The following ABCA1 variants were observed in gnomAD, a reference collection of about 807,000 sequenced individuals.
ABCA1 encodes phospholipid-transporting ATPase ABCA1.
Under a neutral mutation model 262.5 loss-of-function variants are expected in ABCA1, and 133 were observed. The ratio of observed to expected loss-of-function variants is 0.51; its 90% CI spans 0.44 to 0.59. The LOEUF (loss-of-function observed/expected upper bound fraction) is 0.59, where lower values mean the gene tolerates loss of function less well. ABCA1 is among the 20% of genes least tolerant of loss of function. ABCA1 has a pLI of 0.00. For synonymous variants in ABCA1, 1,022 were observed against 1,043.5 expected (o/e 0.98, Z 0.40); for missense variants, 2,452 against 2,777.5 (o/e 0.88, Z 2.63).
intron 2 of ABCA1, among the ~76,000 whole-genome samples, chr9:104,893,224 C>A (rs1180759986): frequency 6.6e-6 from 1 of 151,636 alleles, no homozygotes; most frequent in Non-Finnish European, 1.5e-5. Context: ...AGTTCAAGAC[C>A]AGCCTGGTCA....
intron 5 of ABCA1, among the ~76,000 whole-genome samples, chr9:104,873,250 A>G (rs1249993403): frequency 1.3e-5 from 2 of 152,258 alleles, no homozygotes; most frequent in Non-Finnish European, 2.9e-5. Flanking sequence ...CACATGTATC[A>G]CCAGATCTCC....
Position 104,831,751 on chromosome 9 carries a change from T to G in ABCA1, c.1586A>C (p.Glu529Ala). The stretch of plus-strand genomic sequence containing the variant: ...CACAATACCAGCCCAGAACTTCCTC[T>G]CATCCAGCAGCTCCATGGACTTGTT... Reference protein sequence around the residue: ...LINKSMELLDERKFWAGIVFT... With the variant: ...LINKSMELLDARKFWAGIVFT... The change falls in exon 13 of 50, where the codon GAG becomes GCG. Residue 529 changes from glutamate to alanine, a missense_variant. Physicochemically the swap from Glu to Ala is moderately radical, Grantham distance 107. This residue lies in a region of ABCA1 where 1,032 missense variants were observed against 1,089.7 expected (regional missense o/e 0.95). Transcript: ENST00000374736. The G allele has an allele frequency of 6.2e-7, 1 of 1,614,230 alleles. No homozygotes were observed. The highest frequency in any genetic ancestry group is 8.5e-7 in the Non-Finnish European group (1 of 1,180,044).
Position 104,831,045 on chromosome 9 carries a change from C to T in ABCA1, c.1772G>A (p.Gly591Glu), listed in dbSNP as rs1833257959. 1.2e-6 allele frequency: 2 copies of T among 1,613,688 alleles called. No homozygotes were observed. Among genetic ancestry groups the T allele is most frequent in the African/African-American group, 1.3e-5 (1 of 74,776 alleles). The change falls in exon 14 of 50, where the codon GGG (glycine) becomes GAG (glutamate). Residue 591 changes from glycine to glutamate, a missense_variant. Coordinates refer to ENST00000374736, the MANE Select transcript of ABCA1 (RefSeq NM_005502.4). ...CACATCCTGCAAGTAGGCGAAGCCC[C>T]CCCAGACGTACCGCATGTCCTCAAA... ...DPFEDMRYVW[G>E]GFAYLQDVVE...
chr9:104,921,292 C>T lies in ABCA1; in HGVS notation c.-93+6643G>A, dbSNP rs190206229. On this transcript the variant is annotated intron_variant, in intron 1 of 49. Transcript: ENST00000374736. ...AAGTTGGATTTGGCAGAGAAAACACCGGGGAATTTTAAACAAACACCCCCC... is the reference window on the plus strand; with the variant it reads ...AAGTTGGATTTGGCAGAGAAAACACTGGGGAATTTTAAACAAACACCCCCC... Among the ~76,000 whole-genome samples the T allele has an allele frequency of 9.9e-5, 15 of 152,090 alleles. No homozygotes were observed. In the East Asian group the frequency reaches 2.1e-3, roughly 22 times the overall value.
chr9:104,883,006 T>G, intron 5 of ABCA1, 33 bp downstream of exon 5: 1 of 1,555,530 alleles, frequency 6.4e-7, no homozygotes, highest in Non-Finnish European at 8.9e-7. Context: ...CAATTTCCAA[T>G]TATAAACGGA....
chr9:104,926,795 A>C (rs1015695982), intron 1 of ABCA1, among the ~76,000 whole-genome samples: 1 of 152,250 alleles, frequency 6.6e-6, no homozygotes, highest in Non-Finnish European at 1.5e-5. Context: ...GCCCAGGCAG[A>C]AGCTGCCCCG....
chr9:104,867,398 T>G (rs931287753), intron 5 of ABCA1, among the ~76,000 whole-genome samples: 3 of 152,198 alleles, frequency 2.0e-5, no homozygotes, highest in Non-Finnish European at 4.4e-5. Flanking sequence ...TCATCATCAT[T>G]TTCAGGAATG....
Position 104,837,591 on chromosome 9 carries a change from T to C in ABCA1, c.1055-24A>G, listed in dbSNP as rs778367727. 3.7e-6 allele frequency: 6 copies of C among 1,613,124 alleles called. No individual in the cohort carries two copies. The South Asian group carries it at 4.4e-5, about 12-fold the overall frequency. On this transcript the variant is annotated intron_variant, in intron 9 of 49. Coordinates refer to ENST00000374736, the MANE Select transcript of ABCA1 (RefSeq NM_005502.4). ...AGCTATGAAGAAGAGGAGAGACAAA[T>C]GCTCATATGCATGGTCATATACTGA...
chr9:104,784,602 G>C, intron 49 of ABCA1, 147 bp from the exon 50 acceptor site: 1 of 986,870 alleles, frequency 1.0e-6, no homozygotes, highest in Non-Finnish European at 1.5e-6. Flanking sequence ...TGTGTGTGAA[G>C]GAGGGAAGAA....
chr9:104,840,608 C>T (rs1388025723), intron 8 of ABCA1, 89 bp from the exon 9 acceptor site: 2 of 1,296,002 alleles, frequency 1.5e-6, no homozygotes, highest in Non-Finnish European at 2.1e-6. Context: ...AAAGAAACAT[C>T]TTATTTTCTT....
At chr9:104,830,842 T>G in intron 14 of ABCA1, 83 bp downstream of exon 14, 1 of 1,468,580 alleles carries the variant, frequency 6.8e-7, no homozygotes, top group Non-Finnish European at 9.5e-7. Context: ...CATTCACACA[T>G]GCATGCACAT....
intron 48 of ABCA1, 113 bp downstream of exon 48, chr9:104,786,185 G>A (rs1828915266): frequency 1.1e-6 from 1 of 899,016 alleles, no homozygotes; most frequent in East Asian, 2.5e-5. Context: ...CCACTATACT[G>A]TTTTGCTCAG....
At chr9:104,833,559 C>G (rs961289821) in intron 11 of ABCA1, among the ~76,000 whole-genome samples, 4 of 152,180 alleles carry the variant, frequency 2.6e-5, no homozygotes, top group African/African-American at 9.7e-5. Context: ...TTGGGTCACA[C>G]AGCTATTAAG....
intron 18 of ABCA1, among the ~76,000 whole-genome samples, chr9:104,822,887 G>A (rs1040057125): frequency 3.9e-5 from 6 of 151,980 alleles, no homozygotes; most frequent in African/African-American, 1.5e-4. Context: ...AGAGTCTATT[G>A]GGAAAAAGGA....
intron 1 of ABCA1, among the ~76,000 whole-genome samples, chr9:104,906,509 C>T (rs1012112995): frequency 2.0e-5 from 3 of 152,030 alleles, no homozygotes; most frequent in South Asian, 2.1e-4. Flanking sequence ...AAAGTTCTAC[C>T]GTGGCTTTGC....
At chr9:104,814,084 C>CAGT in intron 27 of ABCA1, 34 bp downstream of exon 27, 2 of 1,598,996 alleles carry the variant, frequency 1.3e-6, no homozygotes, top group Non-Finnish European at 1.7e-6. Flanking sequence ...CACATTCAAA[C>CAGT]AGTAGGACAC....
intron 22 of ABCA1, among the ~76,000 whole-genome samples, 154 bp from the exon 23 acceptor site, chr9:104,819,037 G>A (rs1327347744): frequency 6.6e-6 from 1 of 152,194 alleles, no homozygotes; most frequent in Non-Finnish European, 1.5e-5. Flanking sequence ...CCCTAGAATG[G>A]CAAAGCTTTG....
chr9:104,908,416 T>C (rs939482476), intron 1 of ABCA1, among the ~76,000 whole-genome samples: 3 of 152,178 alleles, frequency 2.0e-5, no homozygotes, highest in African/African-American at 7.2e-5. Context: ...CCTGTAATCC[T>C]AGCACTTTGG....
chr9:104,834,587 C>G (rs190280863), intron 11 of ABCA1, among the ~76,000 whole-genome samples: 1 of 149,084 alleles, frequency 6.7e-6, no homozygotes, highest in Admixed American at 6.8e-5. Flanking sequence ...AAAAGAATAG[C>G]AAGACTAGAA....
Sources: allele counts gnomAD v4.1 joint callset (sites outside exome capture counted in the v4.1 genomes callset), GRCh38; gene constraint gnomAD v4.1.1; regional missense constraint gnomAD v4.1.1; transcripts MANE v1.5; gene names NCBI Gene and HGNC (gene_info 2026-07-23, HGNC 2026-07-21).